The following DPY19L4 variants were observed in gnomAD, a reference collection of about 807,000 sequenced individuals.
DPY19L4 encodes the protein probable C-mannosyltransferase DPY19L4.
A neutral mutation model predicts 102.8 loss-of-function variants in DPY19L4; 97 were observed. The observed-to-expected ratio is 0.94, with a 90% CI of 0.80 to 1.12. The LOEUF (loss-of-function observed/expected upper bound fraction) is 1.12, where lower values mean the gene tolerates loss of function less well. Among genes scored for constraint, DPY19L4 ranks in the 50% most tolerant of loss-of-function variants. The probability of loss-of-function intolerance (pLI) is 0.00; values close to 1 mark genes in which losing one functional copy is unlikely to be tolerated. For missense variants in DPY19L4, 815 were observed against 850.4 expected (o/e 0.96, Z 0.52); for synonymous variants, 252 against 283.1 (o/e 0.89, Z 1.10).
At chr8:94,789,042 A>G (rs1235980720) in intron 18 of DPY19L4, among the ~76,000 whole-genome samples, 1 of 152,150 alleles carries the variant, frequency 6.6e-6, no homozygotes, top group African/African-American at 2.4e-5. Flanking sequence ...GGTGACACAA[A>G]TGGAATTTTA....
In DPY19L4 at chr8:94,789,630, G is replaced by GAC. The variant is rs1813807788; in HGVS notation, c.2008-114_2008-113dup. 5.4e-6 allele frequency: 5 copies of GAC among 933,384 alleles called. No homozygotes were observed. The South Asian group carries it at 6.7e-5, about 13-fold the overall frequency. 57.8% of individuals were successfully genotyped at this position (933,384 alleles called of 1,614,324 possible). ...TTTGCTAACAGTGAGATGTTTTATAGACAATGTTTAGCAATAATGTGTTTT... is the reference window on the plus strand; with the variant it reads ...TTTGCTAACAGTGAGATGTTTTATAGACACAATGTTTAGCAATAATGTGTTTT... On this transcript the variant is annotated intron_variant, in intron 18 of 18. Transcript: ENST00000414645.
intron 13 of DPY19L4, among the ~76,000 whole-genome samples, chr8:94,777,395 A>G (rs530659195): frequency 6.6e-6 from 1 of 152,312 alleles, no homozygotes; most frequent in African/African-American, 2.4e-5. Flanking sequence ...AAGAGCTGTC[A>G]TAGCTTATAT....
At chr8:94,763,132 A>G (rs1812468437) in intron 8 of DPY19L4, among the ~76,000 whole-genome samples, 1 of 150,528 alleles carries the variant, frequency 6.6e-6, no homozygotes, top group Admixed American at 6.6e-5. Context: ...TGTTGTTAGT[A>G]GAGACAGAGT....
intron 17 of DPY19L4, among the ~76,000 whole-genome samples, chr8:94,785,325 A>G (rs1174889580): frequency 1.3e-5 from 2 of 152,230 alleles, no homozygotes; most frequent in African/African-American, 2.4e-5. Flanking sequence ...GACACACACA[A>G]GGTACAAAGA....
At chr8:94,769,948 C>T (rs1370528013) in intron 12 of DPY19L4, among the ~76,000 whole-genome samples, 8 of 146,110 alleles carry the variant, frequency 5.5e-5, no homozygotes, top group African/African-American at 2.0e-4. Context: ...AGTGCAGTGG[C>T]GTGATCTTGG....
At position 94,783,770 on chromosome 8, in the gene DPY19L4, A is replaced by C; in HGVS notation, c.1816A>C (p.Asn606His). Reference sequence around the variant, plus strand: ...GATGGTGACAAGTTTGCCTCTTTACAATGATGATGATCTTCTCAAGAGAAA... The same window carrying C: ...GATGGTGACAAGTTTGCCTCTTTACCATGATGATGATCTTCTCAAGAGAAA... ...GWMVTSLPLY[N>H]DDDLLKRNEN... is the part of the protein sequence containing the mutation. The change falls in exon 17 of 19, where the codon AAT becomes CAT. Residue 606 changes from asparagine (N) to histidine (H), a missense_variant. Coordinates refer to ENST00000414645, the MANE Select transcript of DPY19L4 (RefSeq NM_181787.3). The C allele has an allele frequency of 6.2e-7, 1 of 1,614,114 alleles. No individual in the cohort carries two copies. The highest frequency in any genetic ancestry group is 8.5e-7 in the Non-Finnish European group (1 of 1,179,998).
intron 3 of DPY19L4, among the ~76,000 whole-genome samples, chr8:94,736,455 C>T (rs1191693049): frequency 1.3e-5 from 2 of 152,186 alleles, no homozygotes; most frequent in African/African-American, 4.8e-5. Context: ...ACTTATTTAA[C>T]TACAGAATTC....
chr8:94,729,738 G>C lies in DPY19L4; in HGVS notation c.127+3297G>C, dbSNP rs1203697792. ...CCCAGCTACTTGGGAGGCTGAGGTAGGAGGATTGCTTAAGCCTGAGAAGTG... is the reference window on the plus strand; with the variant it reads ...CCCAGCTACTTGGGAGGCTGAGGTACGAGGATTGCTTAAGCCTGAGAAGTG... On this transcript the variant is annotated intron_variant, in intron 2 of 18. Coordinates refer to ENST00000414645, the MANE Select transcript of DPY19L4 (RefSeq NM_181787.3). 2.2e-3 allele frequency among the ~76,000 whole-genome samples: 333 copies of C among 150,782 alleles called. 3 individuals are homozygous for C. The highest frequency in any genetic ancestry group is 7.8e-3 in the African/African-American group (317 of 40,686).
Position 94,780,345 on chromosome 8 carries a change from C to G in DPY19L4, c.1576-14C>G. 1 of 1,456,050 alleles carries G rather than the reference C, an allele frequency of 6.9e-7. No individual in the cohort carries two copies. The highest frequency in any genetic ancestry group is 9.2e-7 in the Non-Finnish European group (1 of 1,087,118). The allele number at this position is 1,456,050 out of a possible 1,614,324, so 90.2% of individuals were successfully genotyped here. On this transcript the variant is annotated splice_polypyrimidine_tract_variant and intron_variant, in intron 14 of 18. Transcript: ENST00000414645. ...ATGTATTTATTTGTAATCCTTTTTG[C>G]TTTAATATTTTAGGCTCTTATTCTG... is the stretch of plus-strand genomic sequence containing the variant.
At chr8:94,786,676 TA>T (rs1813668476) in intron 17 of DPY19L4, among the ~76,000 whole-genome samples, 1 of 151,976 alleles carries the variant, frequency 6.6e-6, no homozygotes, top group Non-Finnish European at 1.5e-5. Context: ...GACTCCCGAG[TA>T]GCTGGGACTA....
chr8:94,744,868 T>G (rs1811602285), intron 6 of DPY19L4: 2 of 243,340 alleles, frequency 8.2e-6, no homozygotes, highest in African/African-American at 4.4e-5. Flanking sequence ...AAATGTATCT[T>G]TTGACAATTG....
chr8:94,759,943 G>A (rs1012681573), intron 7 of DPY19L4, among the ~76,000 whole-genome samples: 3 of 152,144 alleles, frequency 2.0e-5, no homozygotes, highest in Admixed American at 6.6e-5. Flanking sequence ...AAACATTTGT[G>A]GTTGATTATT....
chr8:94,766,408 G>C (rs77981748), intron 10 of DPY19L4, among the ~76,000 whole-genome samples: 6,989 of 152,186 alleles, frequency 0.046, 203 homozygotes, highest in African/African-American at 0.067. Flanking sequence ...TTCTTACTAC[G>C]CCATTGTAGT....
rs112914856 is a variant in DPY19L4, at chr8:94,766,060, CA to C, written c.1101+253del. Among the ~76,000 whole-genome samples, 598 of 152,242 alleles carry C rather than the reference CA, an allele frequency of 3.9e-3. 3 individuals carry two copies. The highest frequency in any genetic ancestry group is 0.014 in the African/African-American group (563 of 41,532). ...TCATCATTACCCAGTTAACATTAAG[CA>C]ATATATGGAATAAAGTGAGACAAAT... is the stretch of plus-strand genomic sequence containing the variant. On this transcript the variant is annotated intron_variant, in intron 10 of 18. Coordinates refer to ENST00000414645, the MANE Select transcript of DPY19L4 (RefSeq NM_181787.3).
intron 16 of DPY19L4, among the ~76,000 whole-genome samples, 188 bp downstream of exon 16, chr8:94,781,354 G>C (rs1196928539): frequency 6.6e-6 from 1 of 152,122 alleles, no homozygotes; most frequent in African/African-American, 2.4e-5. Flanking sequence ...CCATGGGCTT[G>C]AAAATATAGC....
chr8:94,789,015 G>A (rs555366040), intron 18 of DPY19L4, among the ~76,000 whole-genome samples: 305 of 152,308 alleles, frequency 2.0e-3, no homozygotes, highest in African/African-American at 6.9e-3. Context: ...CTTAGTGGCT[G>A]TGATCTTTGG....
chr8:94,754,187 A>G (rs557650576), intron 6 of DPY19L4, among the ~76,000 whole-genome samples: 1 of 152,156 alleles, frequency 6.6e-6, no homozygotes, highest in South Asian at 2.1e-4. Flanking sequence ...AAAAGTTATT[A>G]GTGCTTAGAG....
chr8:94,784,813 T>G (rs73269114), intron 17 of DPY19L4, among the ~76,000 whole-genome samples: 70 of 152,328 alleles, frequency 4.6e-4, no homozygotes, highest in African/African-American at 1.5e-3. Flanking sequence ...CTATTATTGC[T>G]TATAAAACAC....
intron 1 of DPY19L4, 94 bp downstream of exon 1, chr8:94,720,108 G>A: frequency 7.0e-7 from 1 of 1,418,568 alleles, no homozygotes; most frequent in Non-Finnish European, 9.2e-7. Context: ...GCTGCTGGTG[G>A]CCGCGGTCGC....
Sources: gnomAD v4.1 joint callset for allele counts (sites outside exome capture counted in the v4.1 genomes callset) on GRCh38, gnomAD v4.1.1 for gene constraint, MANE v1.5 for transcripts, NCBI Gene and HGNC (gene_info 2026-07-23, HGNC 2026-07-21) for gene names.